The following GPS1 variants were observed in gnomAD, a reference collection of about 807,000 sequenced individuals.
The protein encoded by GPS1 is G protein pathway suppressor 1.
A neutral mutation model predicts 60.0 loss-of-function variants in GPS1; 11 were observed. The observed-to-expected ratio is 0.18, with a 90% CI of 0.12 to 0.30. The LOEUF is 0.30. GPS1 is among the 10% of genes least tolerant of loss of function. The probability of loss-of-function intolerance (pLI) is 1.00; values close to 1 mark genes in which losing one functional copy is unlikely to be tolerated. For synonymous variants in GPS1, 343 were observed against 269.8 expected, an observed-to-expected ratio of 1.27 and a Z score of -2.66; for missense variants, 543 against 669.2, an observed-to-expected ratio of 0.81 and a Z score of 2.08.
At chr17:82,056,176 C>T (rs538506493) in intron 8 of GPS1, 81 bp downstream of exon 8, 11 of 1,389,932 alleles carry the variant, frequency 7.9e-6, no homozygotes, top group South Asian at 7.0e-5. Flanking sequence ...ATGTCCTGGC[C>T]CCCTGGCCCC....
intron 2 of GPS1, 165 bp from the exon 3 acceptor site, chr17:82,053,703 G>T: frequency 1.4e-6 from 1 of 697,868 alleles, no homozygotes; most frequent in Non-Finnish European, 2.3e-6. Flanking sequence ...GGTCTTCGTA[G>T]CTCCTGGGAC....
intron 8 of GPS1, 63 bp from the exon 9 acceptor site, chr17:82,056,223 C>T (rs550139080): frequency 1.4e-6 from 2 of 1,380,300 alleles, no homozygotes; most frequent in African/African-American, 1.4e-5. Flanking sequence ...GACTGGTGTC[C>T]CACTGGCCAC....
intron 12 of GPS1, 25 bp downstream of exon 12, chr17:82,056,999 G>T: frequency 6.2e-7 from 1 of 1,612,260 alleles, no homozygotes; most frequent in Non-Finnish European, 8.5e-7. Flanking sequence ...GGGGGGGCAG[G>T]CGCACGGCGT....
rs1241543738 is a variant in GPS1, at chr17:82,056,773, G to A, written c.1254+7G>A. The A allele has an allele frequency of 1.3e-6, 2 of 1,597,868 alleles. No homozygotes were observed. Among genetic ancestry groups the A allele is most frequent in the Non-Finnish European group, 1.7e-6 (2 of 1,171,378 alleles). Reference sequence around the variant, plus strand: ...TGTGGACTCACACAGCAAGGTGGCTGTGGGCTGCGGGGCGGTGGGGGCAGC... The same window carrying A: ...TGTGGACTCACACAGCAAGGTGGCTATGGGCTGCGGGGCGGTGGGGGCAGC... On this transcript the variant is annotated splice_region_variant and intron_variant, in intron 11 of 12. Coordinates refer to ENST00000578552, the MANE Select transcript of GPS1 (RefSeq NM_001321092.3).
Position 82,055,174 on chromosome 17 carries a change from C to A in GPS1, c.700C>A (p.Arg234Ser). ...TPEIAEQRGERDSQTQAILTK... is the reference protein window; with the variant it reads ...TPEIAEQRGESDSQTQAILTK... Reference sequence around the variant, plus strand: ...CTTCCTCCTACAGCAGCGAGGAGAGCGTGACAGCCAGACCCAGGCCATCCT... The same window carrying A: ...CTTCCTCCTACAGCAGCGAGGAGAGAGTGACAGCCAGACCCAGGCCATCCT... The change falls in exon 6 of 13, where the codon CGT (arginine) becomes AGT (serine). Residue 234 changes from arginine to serine, a missense_variant. Transcript: ENST00000578552. 1 of 1,563,040 alleles carries A rather than the reference C, an allele frequency of 6.4e-7. No homozygotes were observed. The highest frequency in any genetic ancestry group is 2.4e-5 in the East Asian group (1 of 41,546).
At position 82,054,773 on chromosome 17, in the gene GPS1, C is replaced by T. The variant is rs1247009382; in HGVS notation, c.572C>T (p.Ala191Val). ...YSRARDYCTS[A>V]KHVINMCLNV... ...CGGGCCCGGGACTACTGCACCAGCG[C>T]CAAACACGTCATCAACATGTGCCTC... Residue 191 changes from alanine (A) to valine (V), a missense_variant, in exon 4 of 13, where the codon GCC becomes GTC. Ala to Val is a moderately conservative substitution (Grantham distance 64, BLOSUM62 0). This residue lies in a region of GPS1 where 71 missense variants were observed against 126.7 expected (regional missense o/e 0.56). Transcript: ENST00000578552. The T allele has an allele frequency of 2.5e-6, 4 of 1,608,222 alleles. No individual in the cohort carries two copies. Among genetic ancestry groups the T allele is most frequent in the Non-Finnish European group, 3.4e-6 (4 of 1,177,190 alleles).
chr17:82,054,226 G>C (rs900482161), intron 3 of GPS1, 177 bp downstream of exon 3: 2 of 765,232 alleles, frequency 2.6e-6, no homozygotes, highest in African/African-American at 3.5e-5. Context: ...TGTGGCTTCT[G>C]TGTGTGTGCA....
intron 1 of GPS1, chr17:82,052,651 G>T: frequency 1.5e-6 from 1 of 668,644 alleles, no homozygotes; most frequent in South Asian, 2.0e-5. Flanking sequence ...TCCCGAAGGA[G>T]CGCGGGAGGC....
chr17:82,052,555 G>A, intron 1 of GPS1: 1 of 1,425,282 alleles, frequency 7.0e-7, no homozygotes, highest in Non-Finnish European at 9.5e-7. Flanking sequence ...TGCTGGCCGA[G>A]GACAGGGACT....
chr17:82,056,267 G>A lies in GPS1; in HGVS notation c.930-19G>A, dbSNP rs749299946. On this transcript the variant is annotated intron_variant, in intron 8 of 12. Coordinates refer to ENST00000578552, the MANE Select transcript of GPS1 (RefSeq NM_001321092.3). The stretch of plus-strand genomic sequence containing the variant: ...AGGGGCAGGCAGAGGACAGAGTTCT[G>A]AGGGGTCTGCCTCACCAGCTCCTTC... 14 of 1,545,722 alleles carry A rather than the reference G, an allele frequency of 9.1e-6. No individual in the cohort carries two copies. In the Admixed American group the frequency reaches 1.3e-4, roughly 15 times the overall value.
At chr17:82,055,706 CT>C (rs2032477138) in intron 6 of GPS1, 33 bp from the exon 7 acceptor site, 2 of 1,318,036 alleles carry the variant, frequency 1.5e-6, no homozygotes, top group Non-Finnish European at 2.1e-6. Context: ...CTTACCCCCT[CT>C]CCCCCCTCCC....
At chr17:82,057,004 C>T (rs748507259) in intron 12 of GPS1, 30 bp downstream of exon 12, 42 of 1,611,838 alleles carry the variant, frequency 2.6e-5, no homozygotes, top group South Asian at 5.5e-5. Flanking sequence ...GGCAGGCGCA[C>T]GGCGTGTGGG....
Position 82,053,255 on chromosome 17 carries a change from T to G in GPS1, c.34-19T>G, listed in dbSNP as rs764212900. ...GCAGTCCCCAGGACGAGGTGCCAGG[T>G]GCCTGGCCCATGTTGCAGGGGGCCG... On this transcript the variant is annotated intron_variant, in intron 1 of 12. Transcript: ENST00000578552. 2 of 1,525,286 alleles carry G rather than the reference T, an allele frequency of 1.3e-6. No individual in the cohort carries two copies. Among genetic ancestry groups the G allele is most frequent in the Non-Finnish European group, 1.7e-6 (2 of 1,145,866 alleles). The allele number at this position is 1,525,286 out of a possible 1,614,324, so 94.5% of individuals were successfully genotyped here.
At chr17:82,053,212 G>C in intron 1 of GPS1, 62 bp from the exon 2 acceptor site, 3 of 1,335,800 alleles carry the variant, frequency 2.2e-6, no homozygotes, top group Non-Finnish European at 3.0e-6. Flanking sequence ...AACAGTGCGG[G>C]TCTCTCGCCC....
At chr17:82,055,040 C>T (rs1209598744) in intron 5 of GPS1, 65 bp downstream of exon 5, 2 of 1,597,914 alleles carry the variant, frequency 1.3e-6, no homozygotes, top group East Asian at 2.2e-5. Context: ...CCCTCCTGTC[C>T]TCCCCCACCT....
At chr17:82,055,934 C>T (rs1027212272) in intron 7 of GPS1, 67 bp from the exon 8 acceptor site, 47 of 1,439,708 alleles carry the variant, frequency 3.3e-5, no homozygotes, top group Middle Eastern at 3.5e-4. Flanking sequence ...ATTCTCCGAG[C>T]GGGTGATGGG....
At position 82,051,944 on chromosome 17, in the gene GPS1, G is replaced by T; in HGVS notation, c.13G>T (p.Val5Phe). 8.6e-7 allele frequency: 1 copy of T among 1,166,458 alleles called. No individual in the cohort carries two copies. The highest frequency in any genetic ancestry group is 3.1e-4 in the Middle Eastern group (1 of 3,214). 72.3% of individuals were successfully genotyped at this position (1,166,458 alleles called of 1,614,324 possible). A position where few individuals can be genotyped will look rare whatever the true frequency, so the allele number is the denominator to read the frequency against. The change falls in exon 1 of 13, where the codon GTT (valine) becomes TTT (phenylalanine). Residue 5 changes from valine to phenylalanine, a missense_variant. Physicochemically the swap from Val to Phe is conservative, Grantham distance 50. This residue lies in a region of GPS1 where 181 missense variants were observed against 188.8 expected (regional missense o/e 0.96). Coordinates refer to ENST00000578552, the MANE Select transcript of GPS1 (RefSeq NM_001321092.3). The surrounding 1 kb of genome is among the most constrained non-coding windows in gnomAD (Gnocchi z 4.1). The stretch of plus-strand genomic sequence containing the variant: ...GGGTGGGTGCAAGATGCCGCTGCCG[G>T]TTCAGGTGTTTAACTTGCAGGTAAC... MPLP[V>F]QVFNLQGAVE...
chr17:82,056,745 C>G lies in GPS1; in HGVS notation c.1233C>G (p.Ala411=). The change falls in exon 11 of 13, where the codon GCC becomes GCG. Residue 411 remains alanine (A), a synonymous_variant. Coordinates refer to ENST00000578552, the MANE Select transcript of GPS1 (RefSeq NM_001321092.3). ...TQLILEGLIS[A]RVDSHSKILY... ...TAATCCTGGAGGGGCTGATCAGTGC[C>G]CGTGTGGACTCACACAGCAAGGTGG... 1 of 1,588,840 alleles carries G rather than the reference C, an allele frequency of 6.3e-7. No individual in the cohort carries two copies. The highest frequency in any genetic ancestry group is 8.6e-7 in the Non-Finnish European group (1 of 1,166,776).
chr17:82,053,653 G>A (rs2031698590), intron 2 of GPS1: 1 of 571,348 alleles, frequency 1.8e-6, no homozygotes, highest in Non-Finnish European at 3.0e-6. Context: ...CCGGGTGCAG[G>A]GTCCCACTCC....
Sources: gnomAD v4.1 joint callset for allele counts on GRCh38, gnomAD v4.1.1 for gene constraint, gnomAD v4.1.1 regional missense constraint, Gnocchi (gnomAD v3.1) non-coding constraint, MANE v1.5 for transcripts, NCBI Gene and HGNC (gene_info 2026-07-23, HGNC 2026-07-21) for gene names.